Variants in PLPPR4 observed in about 807,000 individuals in gnomAD.
The protein encoded by PLPPR4 is phospholipid phosphatase-related protein type 4.
PLPPR4 carries 24 observed loss-of-function variants against 56.6 expected under a neutral mutation model. The ratio of observed to expected loss-of-function variants is 0.42; its 90% confidence interval spans 0.31 to 0.60. PLPPR4 has a LOEUF of 0.60. PLPPR4 is among the 20% of genes least tolerant of loss of function. The pLI, the probability that PLPPR4 is intolerant of heterozygous loss-of-function variation, is 0.13. For synonymous variants in PLPPR4, 326 were observed against 328.1 expected (o/e 0.99, Z 0.07); for missense variants, 654 against 885.8 (o/e 0.74, Z 3.32).
intron 1 of PLPPR4, among the ~76,000 whole-genome samples, chr1:99,283,105 C>A (rs988817898): frequency 1.3e-5 from 2 of 151,762 alleles, no homozygotes; most frequent in African/African-American, 4.8e-5. Flanking sequence ...GGACCTAGAA[C>A]GAGGCTTGGG....
In PLPPR4 at chr1:99,296,878, G is replaced by A; in HGVS notation, c.394+11G>A. ...CTGTCAGATTCGTTGGTGGGTGTGGGGAACCACAAAGAAAAGAAATGCTTT... is the reference window on the plus strand; with the variant it reads ...CTGTCAGATTCGTTGGTGGGTGTGGAGAACCACAAAGAAAAGAAATGCTTT... On this transcript the variant is annotated intron_variant, in intron 3 of 6. Transcript: ENST00000370185. 1 of 1,529,258 alleles carries A rather than the reference G, an allele frequency of 6.5e-7. No homozygotes were observed. Among genetic ancestry groups the A allele is most frequent in the Non-Finnish European group, 8.8e-7 (1 of 1,134,860 alleles). The allele number at this position is 1,529,258 out of a possible 1,614,324, so 94.7% of individuals were successfully genotyped here.
intron 2 of PLPPR4, among the ~76,000 whole-genome samples, chr1:99,296,140 C>G (rs1659734627): frequency 6.6e-6 from 1 of 152,146 alleles, no homozygotes; most frequent in African/African-American, 2.4e-5. Context: ...CTAGGAAATA[C>G]TACCCTTCTG....
chr1:99,268,923 C>T (rs1318964231), intron 1 of PLPPR4, among the ~76,000 whole-genome samples: 1 of 152,136 alleles, frequency 6.6e-6, no homozygotes, highest in African/African-American at 2.4e-5. Context: ...AAAGAGTATT[C>T]AAACTTTTTG....
Position 99,306,776 on chromosome 1 carries a change from G to A in PLPPR4, c.1914G>A (p.Lys638=), listed in dbSNP as rs1468114787. 5.6e-6 allele frequency: 9 copies of A among 1,614,044 alleles called. No homozygotes were observed. Among genetic ancestry groups the A allele is most frequent in the South Asian group, 2.2e-5 (2 of 91,076 alleles). The change falls in exon 7 of 7, where the codon AAG becomes AAA. Residue 638 remains lysine, a synonymous_variant. Coordinates refer to ENST00000370185, the MANE Select transcript of PLPPR4 (RefSeq NM_014839.5). The surrounding 1 kb of genome is among the most constrained non-coding windows in gnomAD (Gnocchi z 4.0). ...ACAGCTTTGGTTCTGGAGATCGCAA[G>A]AGAAGCAACATTGATAGCAATGAGC... The part of the protein sequence containing the change: ...LKDSFGSGDR[K]RSNIDSNEHH...
intron 1 of PLPPR4, among the ~76,000 whole-genome samples, chr1:99,267,024 A>G (rs1043209209): frequency 3.3e-5 from 5 of 152,256 alleles, no homozygotes; most frequent in Non-Finnish European, 7.3e-5. Flanking sequence ...TTAAGATGGA[A>G]AAGTGAAACA....
rs1448019095 is a variant in PLPPR4 at position 99,264,504 on chromosome 1, G to C, written c.-90G>C. On this transcript the variant is annotated 5_prime_UTR_variant, in exon 1 of 7. Coordinates refer to ENST00000370185, the MANE Select transcript of PLPPR4 (RefSeq NM_014839.5). Reference sequence around the variant, plus strand: ...CGGGGAATGTGACATCAGCGGCGCCGGGCGCTTGGGGCTGGAGGAGGCAGC... The same window carrying C: ...CGGGGAATGTGACATCAGCGGCGCCCGGCGCTTGGGGCTGGAGGAGGCAGC... 1.9e-6 allele frequency: 3 copies of C among 1,541,852 alleles called. No homozygotes were observed. Among genetic ancestry groups the C allele is most frequent in the Admixed American group, 2.0e-5 (1 of 48,900 alleles).
In PLPPR4 at chr1:99,306,074, G is replaced by A; in HGVS notation, c.1212G>A (p.Lys404=). The A allele has an allele frequency of 6.2e-7, 1 of 1,614,138 alleles. No individual in the cohort carries two copies. The highest frequency in any genetic ancestry group is 1.6e-4 in the Middle Eastern group (1 of 6,062). ...CAAAGCAGCTCCTCACCCAGTGGAA[G>A]AATAAGAATGAAAGTCGAAAGTTGT... ...ARSKQLLTQW[K]NKNESRKLSL... The change falls in exon 7 of 7, where the codon AAG becomes AAA. Residue 404 remains lysine (K), a synonymous_variant. Coordinates refer to ENST00000370185, the MANE Select transcript of PLPPR4 (RefSeq NM_014839.5). The surrounding 1 kb of genome is among the most constrained non-coding windows in gnomAD (Gnocchi z 4.0).
intron 1 of PLPPR4, among the ~76,000 whole-genome samples, chr1:99,275,418 C>A (rs1486435309): frequency 2.0e-5 from 3 of 152,112 alleles, no homozygotes; most frequent in Non-Finnish European, 4.4e-5. Flanking sequence ...TGGCCCAGGA[C>A]ATAATTAAGG....
intron 1 of PLPPR4, 62 bp downstream of exon 1, chr1:99,264,733 G>C: frequency 6.6e-7 from 1 of 1,525,666 alleles, no homozygotes; most frequent in Non-Finnish European, 8.9e-7. Context: ...AGCGAATTCA[G>C]GTCCTGGACA....
At chr1:99,264,974 A>G (rs957772980) in intron 1 of PLPPR4, among the ~76,000 whole-genome samples, 11 of 152,194 alleles carry the variant, frequency 7.2e-5, no homozygotes, top group African/African-American at 9.6e-5. Flanking sequence ...CTGTGTGCAC[A>G]ACGTCCGCTA....
chr1:99,277,975 ACTAAT>A (rs1659233791), intron 1 of PLPPR4, among the ~76,000 whole-genome samples: 1 of 152,166 alleles, frequency 6.6e-6, no homozygotes, highest in African/African-American at 2.4e-5. Context: ...TAGTGAAAAC[ACTAAT>A]CTAAGTATAT....
At position 99,306,138 on chromosome 1, in the gene PLPPR4, C is replaced by A. The variant is rs776227807; in HGVS notation, c.1276C>A (p.Pro426Thr). Residue 426 changes from proline (P) to threonine (T), a missense_variant, in exon 7 of 7, where the codon CCC becomes ACC. Physicochemically the swap from Pro to Thr is conservative, Grantham distance 38. Coordinates refer to ENST00000370185, the MANE Select transcript of PLPPR4 (RefSeq NM_014839.5). This position sits in a 1 kb window ranked among gnomAD's most constrained non-coding sequence, Gnocchi z 4.0. ...AGAGCCTGAGCCTGGGCAGTCACCA[C>A]CCAGATCCATAGAAATGAGGTCAAG... ...VIEPEPGQSP[P>T]RSIEMRSSSE... The A allele has an allele frequency of 6.2e-7, 1 of 1,614,100 alleles. No homozygotes were observed. The highest frequency in any genetic ancestry group is 8.5e-7 in the Non-Finnish European group (1 of 1,180,016).
At chr1:99,274,656 A>C (rs1443068483) in intron 1 of PLPPR4, among the ~76,000 whole-genome samples, 1 of 152,044 alleles carries the variant, frequency 6.6e-6, no homozygotes, top group Non-Finnish European at 1.5e-5. Flanking sequence ...CAAAATAGAG[A>C]CCACTTTTTT....
chr1:99,284,813 C>T (rs186804637), intron 1 of PLPPR4, among the ~76,000 whole-genome samples: 24 of 151,920 alleles, frequency 1.6e-4, no homozygotes, highest in Admixed American at 8.5e-4. Context: ...GAGATACATG[C>T]GTATATATTT....
chr1:99,277,191 T>C (rs1659207706), intron 1 of PLPPR4, among the ~76,000 whole-genome samples: 1 of 152,192 alleles, frequency 6.6e-6, no homozygotes, highest in Non-Finnish European at 1.5e-5. Context: ...TTGATTGTGC[T>C]TTGTTTTCAG....
intron 5 of PLPPR4, among the ~76,000 whole-genome samples, chr1:99,301,168 C>G (rs372301356): frequency 3.8e-4 from 58 of 152,102 alleles, no homozygotes; most frequent in African/African-American, 1.4e-3. Flanking sequence ...AATTTTTCTA[C>G]ACAGTTATAA....
In PLPPR4 at chr1:99,307,869, A is replaced by G. The variant is rs1307780279; in HGVS notation, c.*859A>G. ...AATCTTTTGAAATTGTTGTGATCAT[A>G]TTTTGCTTTCTATGGCTTCTCCTTA... is the stretch of plus-strand genomic sequence containing the variant. On this transcript the variant is annotated 3_prime_UTR_variant, in exon 7 of 7. Coordinates refer to ENST00000370185, the MANE Select transcript of PLPPR4 (RefSeq NM_014839.5). The G allele has an allele frequency of 6.6e-6, 1 of 152,134 alleles. No homozygotes were observed. The highest frequency in any genetic ancestry group is 1.5e-5 in the Non-Finnish European group (1 of 68,014). The allele number at this position is 152,134 out of a possible 1,614,324, so 9.4% of individuals were successfully genotyped here.
At chr1:99,266,607 A>G (rs1658905967) in intron 1 of PLPPR4, among the ~76,000 whole-genome samples, 1 of 152,246 alleles carries the variant, frequency 6.6e-6, no homozygotes, top group South Asian at 2.1e-4. Context: ...GCCTATTCAG[A>G]TACCCTCTAT....
chr1:99,299,718 C>T (rs977830160), intron 4 of PLPPR4, among the ~76,000 whole-genome samples: 1 of 151,908 alleles, frequency 6.6e-6, no homozygotes, highest in Non-Finnish European at 1.5e-5. Context: ...TGAATCAGAT[C>T]TAACTCATGC....
Sources: gnomAD v4.1 joint callset for allele counts (sites outside exome capture counted in the v4.1 genomes callset) on GRCh38, gnomAD v4.1.1 for gene constraint, Gnocchi (gnomAD v3.1) non-coding constraint, MANE v1.5 for transcripts, NCBI Gene and HGNC (gene_info 2026-07-23, HGNC 2026-07-21) for gene names.